Variants in PNN observed in about 807,000 individuals in gnomAD.
The protein encoded by PNN is pinin, desmosome associated protein, also known as pinin.
Under a neutral mutation model 76.6 loss-of-function variants are expected in PNN, and 38 were observed. The ratio of observed to expected loss-of-function variants is 0.50; its 90% CI spans 0.38 to 0.65. The LOEUF (loss-of-function observed/expected upper bound fraction) is 0.65, where lower values mean the gene tolerates loss of function less well. Among genes scored for constraint, PNN ranks in the 30% least tolerant of loss-of-function variants. The pLI is 0.00. For synonymous variants in PNN, 366 were observed against 283.7 expected, an observed-to-expected ratio of 1.29 and a Z score of -2.91; for missense variants, 873 against 874.1, an observed-to-expected ratio of 1.00 and a Z score of 0.02.
In PNN at chr14:39,182,660, A is replaced by G. The variant is rs1364850165; in HGVS notation, c.*797A>G. 6.6e-6 allele frequency: 1 copy of G among 152,636 alleles called. No individual in the cohort carries two copies. Among genetic ancestry groups the G allele is most frequent in the East Asian group, 1.9e-4 (1 of 5,204 alleles). 9.5% of individuals were successfully genotyped at this position (152,636 alleles called of 1,614,324 possible). A position where few individuals can be genotyped will look rare whatever the true frequency, so the allele number is the denominator to read the frequency against. On this transcript the variant is annotated 3_prime_UTR_variant, in exon 9 of 9. Coordinates refer to ENST00000216832, the MANE Select transcript of PNN (RefSeq NM_002687.4). ...TTCTTTCTAGGGGAGGGAGGTAGAA[A>G]AGTATCTTTCAAACTTGGTTTTTGA...
rs967670150 is a variant in PNN, at chr14:39,176,422, T to C, written c.186-105T>C. The C allele has an allele frequency of 1.7e-5, 15 of 868,770 alleles. No individual in the cohort carries two copies. In the Admixed American group the frequency reaches 2.0e-4, roughly 11 times the overall value. The allele number at this position is 868,770 out of a possible 1,614,324, so 53.8% of individuals were successfully genotyped here. ...GGAATGAATGCCCGTTTAAGGCTAC[T>C]TTAGTTGGAAAGATTTTTGAAAGTT... On this transcript the variant is annotated intron_variant, in intron 2 of 8. Transcript: ENST00000216832.
Position 39,179,365 on chromosome 14 carries a change from T to C in PNN, c.696T>C (p.Tyr232=). ...WNEHNAKIIK[Y]IRTKTKPHLF... is the part of the protein sequence containing the mutation. ...AACATAATGCCAAAATAATTAAATA[T>C]ATAAGAACTAAGACAAAGCCCCATT... Residue 232 remains tyrosine (Y), a synonymous_variant, in exon 8 of 9, where the codon TAT becomes TAC. Transcript: ENST00000216832. 6.2e-7 allele frequency: 1 copy of C among 1,611,386 alleles called. No individual in the cohort carries two copies. Among genetic ancestry groups the C allele is most frequent in the South Asian group, 1.1e-5 (1 of 90,786 alleles).
At chr14:39,176,458 C>T (rs772104076) in intron 2 of PNN, 69 bp from the exon 3 acceptor site, 17 of 1,198,542 alleles carry the variant, frequency 1.4e-5, no homozygotes, top group Middle Eastern at 2.0e-4. Flanking sequence ...TAACCATATT[C>T]TCTTGTCAAA....
At chr14:39,178,143 T>TG (rs1215637626) in intron 6 of PNN, among the ~76,000 whole-genome samples, 5 of 150,316 alleles carry the variant, frequency 3.3e-5, no homozygotes, top group African/African-American at 1.2e-4. Flanking sequence ...TTTAGATATG[T>TG]GAAAAAAAAA....
At chr14:39,176,496 A>G (rs771690517) in intron 2 of PNN, 31 bp from the exon 3 acceptor site, 22 of 1,475,070 alleles carry the variant, frequency 1.5e-5, no homozygotes, top group East Asian at 2.3e-5. Context: ...TTGTATTTCA[A>G]GTGTTTTATG....
At position 39,181,471 on chromosome 14, in the gene PNN, A is replaced by G. The variant is rs1422683985; in HGVS notation, c.1762A>G (p.Thr588Ala). 1 of 1,609,658 alleles carries G rather than the reference A, an allele frequency of 6.2e-7. No homozygotes were observed. Among genetic ancestry groups the G allele is most frequent in the Non-Finnish European group, 8.5e-7 (1 of 1,177,754 alleles). ...CAGTAGCAGTTCTAGTAGCAGTTCA[A>G]CCAGTAGCAGCAGTGGAAGTAGTTC... The part of the protein sequence containing the change: ...SSSSSSSSSS[T>A]SSSSGSSSSS... Residue 588 changes from threonine to alanine, a missense_variant, in exon 9 of 9, where the codon ACC becomes GCC. Coordinates refer to ENST00000216832, the MANE Select transcript of PNN (RefSeq NM_002687.4).
At chr14:39,179,900 T>C (rs1241309109) in intron 8 of PNN, among the ~76,000 whole-genome samples, 10 of 140,052 alleles carry the variant, frequency 7.1e-5, no homozygotes, top group African/African-American at 2.7e-4. Flanking sequence ...AGACTCCATC[T>C]CAAAAAAAAA....
chr14:39,182,073 A>G lies in PNN; in HGVS notation c.*210A>G, dbSNP rs1234909109. On this transcript the variant is annotated 3_prime_UTR_variant, in exon 9 of 9. Transcript: ENST00000216832. ...ATTTATCAAAATTATGTGAGGTTCC[A>G]AAATATGTAAAAATGATAATAATAA... 7 of 451,756 alleles carry G rather than the reference A, an allele frequency of 1.5e-5. No homozygotes were observed. Among genetic ancestry groups the G allele is most frequent in the African/African-American group, 1.4e-4 (7 of 50,022 alleles). 28.0% of individuals were successfully genotyped at this position (451,756 alleles called of 1,614,324 possible).
In PNN at chr14:39,182,088, GATA is replaced by G. The variant is rs1293464022; in HGVS notation, c.*233_*235del. On this transcript the variant is annotated 3_prime_UTR_variant, in exon 9 of 9. Transcript: ENST00000216832. ...GTGAGGTTCCAAAATATGTAAAAAT[GATA>G]ATAATAAAAAAAGATTAACATCCCT... 46 of 413,286 alleles carry G rather than the reference GATA, an allele frequency of 1.1e-4. No individual in the cohort carries two copies. The highest frequency in any genetic ancestry group is 2.6e-4 in the East Asian group (6 of 23,354). 25.6% of individuals were successfully genotyped at this position (413,286 alleles called of 1,614,324 possible).
At chr14:39,176,704 T>C (rs1474930277) in intron 3 of PNN, 109 bp downstream of exon 3, 13 of 707,128 alleles carry the variant, frequency 1.8e-5, no homozygotes, top group Non-Finnish European at 2.6e-5. Context: ...AATTGAGTGG[T>C]ATGCCACTCC....
Position 39,175,279 on chromosome 14 carries a change from G to C in PNN, c.-1G>C, listed in dbSNP as rs777878935. 1 of 1,589,020 alleles carries C rather than the reference G, an allele frequency of 6.3e-7. No individual in the cohort carries two copies. The highest frequency in any genetic ancestry group is 1.7e-5 in the Admixed American group (1 of 59,202). ...AGTCTCAAGCCTGCCGCAGGGAGAA[G>C]ATGGCGGTCGCCGTGAGAACTTTGC... On this transcript the variant is annotated 5_prime_UTR_variant, in exon 1 of 9. Transcript: ENST00000216832.
At position 39,182,815 on chromosome 14, in the gene PNN, T is replaced by C. The variant is rs1256435094; in HGVS notation, c.*952T>C. 6.5e-6 allele frequency: 1 copy of C among 152,686 alleles called. No individual in the cohort carries two copies. The highest frequency in any genetic ancestry group is 2.4e-5 in the African/African-American group (1 of 41,466). The allele number at this position is 152,686 out of a possible 1,614,324, so 9.5% of individuals were successfully genotyped here. A position where few individuals can be genotyped will look rare whatever the true frequency, so the allele number is the denominator to read the frequency against. ...AAGGAAGTTCATCTAGGTTTTAATA[T>C]GTAAGCAAGATAACACACAAGTGTA... On this transcript the variant is annotated 3_prime_UTR_variant, in exon 9 of 9. Coordinates refer to ENST00000216832, the MANE Select transcript of PNN (RefSeq NM_002687.4).
At position 39,180,522 on chromosome 14, in the gene PNN, C is replaced by G; in HGVS notation, c.813C>G (p.Arg271=). Residue 271 remains arginine, a synonymous_variant, in exon 9 of 9, where the codon CGC becomes CGG. Coordinates refer to ENST00000216832, the MANE Select transcript of PNN (RefSeq NM_002687.4). ...CTTTAGCTTTATTTGAAGGTAGACG[C>G]ATCGAATTTGCAGAACAAATAAATA... ...RKMNALFEGR[R]IEFAEQINKM... The G allele has an allele frequency of 6.3e-7, 1 of 1,587,498 alleles. No homozygotes were observed. Among genetic ancestry groups the G allele is most frequent in the Non-Finnish European group, 8.6e-7 (1 of 1,169,330 alleles).
At chr14:39,177,107 A>C (rs2053232660) in intron 3 of PNN, among the ~76,000 whole-genome samples, 1 of 152,206 alleles carries the variant, frequency 6.6e-6, no homozygotes, top group African/African-American at 2.4e-5. Flanking sequence ...ATTTTTGGCC[A>C]GGCACAGTGG....
rs2053281148 is a variant in PNN, at chr14:39,183,133, T to C, written c.*1270T>C. 1 of 152,510 alleles carries C rather than the reference T, an allele frequency of 6.6e-6. No individual in the cohort carries two copies. Among genetic ancestry groups the C allele is most frequent in the South Asian group, 2.1e-4 (1 of 4,836 alleles). 9.4% of individuals were successfully genotyped at this position (152,510 alleles called of 1,614,324 possible). ...TATTTCCAGTTAGTTTTTGTGTGTA[T>C]ATAACTCACTTGTGTAAGTGGATGT... On this transcript the variant is annotated 3_prime_UTR_variant, in exon 9 of 9. Coordinates refer to ENST00000216832, the MANE Select transcript of PNN (RefSeq NM_002687.4).
chr14:39,178,348 A>G (rs2139401757), intron 6 of PNN, among the ~76,000 whole-genome samples: 1 of 152,216 alleles, frequency 6.6e-6, no homozygotes, highest in Middle Eastern at 3.4e-3. Context: ...CCTGGCCAAC[A>G]TGGTGAAACC....
In PNN at chr14:39,177,590, C is replaced by T. The variant is rs755778562; in HGVS notation, c.328-3C>T. ...AAATTACTGAGATTTTCTTTTTCTGCAGCCAGCATTGCAGTCTTCAGTTGT... is the reference window on the plus strand; with the variant it reads ...AAATTACTGAGATTTTCTTTTTCTGTAGCCAGCATTGCAGTCTTCAGTTGT... On this transcript the variant is annotated splice_polypyrimidine_tract_variant and splice_region_variant and intron_variant, in intron 4 of 8. Coordinates refer to ENST00000216832, the MANE Select transcript of PNN (RefSeq NM_002687.4). The T allele has an allele frequency of 1.1e-5, 18 of 1,612,536 alleles. No individual in the cohort carries two copies. In the Admixed American group the frequency reaches 3.0e-4, roughly 27 times the overall value.
At chr14:39,180,371 A>G in intron 8 of PNN, 132 bp from the exon 9 acceptor site, 2 of 938,988 alleles carry the variant, frequency 2.1e-6, no homozygotes, top group South Asian at 2.0e-5. Flanking sequence ...CTTAATTGCC[A>G]TAATCTTTTG....
In PNN at chr14:39,176,603, T is replaced by A; in HGVS notation, c.254+8T>A. The stretch of plus-strand genomic sequence containing the variant: ...TGAAGGGGCAGTCAGTAGGTAGGTT[T>A]AAAAAAAGATTCCTGAAGGCTTCTT... On this transcript the variant is annotated splice_region_variant and intron_variant, in intron 3 of 8. Transcript: ENST00000216832. 6.4e-7 allele frequency: 1 copy of A among 1,558,640 alleles called. No individual in the cohort carries two copies. Among genetic ancestry groups the A allele is most frequent in the Non-Finnish European group, 8.8e-7 (1 of 1,140,102 alleles).
Sources: gnomAD v4.1 joint callset for allele counts (sites outside exome capture counted in the v4.1 genomes callset) on GRCh38, gnomAD v4.1.1 for gene constraint, MANE v1.5 for transcripts, NCBI Gene and HGNC (gene_info 2026-07-23, HGNC 2026-07-21) for gene names.